GRIK3: variants seen among roughly 807,000 people sequenced by gnomAD.
The protein encoded by GRIK3 is glutamate ionotropic receptor kainate type subunit 3.
Under a neutral mutation model 102.5 loss-of-function variants are expected in GRIK3, and 29 were observed. That is an observed-to-expected ratio of 0.28 (90% CI 0.21 to 0.39). The LOEUF is 0.39. GRIK3 is among the 10% of genes least tolerant of loss of function. The pLI is 1.00. For synonymous variants in GRIK3, 511 were observed against 504.9 expected (o/e 1.01, Z -0.16); for missense variants, 908 against 1,252.4 (o/e 0.73, Z 4.15).
At chr1:37,028,630 A>C (rs1642789007) in intron 1 of GRIK3, among the ~76,000 whole-genome samples, 3 of 152,192 alleles carry the variant, frequency 2.0e-5, no homozygotes, top group Admixed American at 2.0e-4. Flanking sequence ...CTCACTCAGC[A>C]ACCAGAATGG....
chr1:36,859,047 C>T (rs528158364), intron 7 of GRIK3, 61 bp downstream of exon 7: 2 of 1,407,760 alleles, frequency 1.4e-6, no homozygotes, highest in East Asian at 4.8e-5. Context: ...GACCACTCTG[C>T]TGCTCTACAG....
At chr1:36,802,228 A>G (rs192359959) in intron 15 of GRIK3, among the ~76,000 whole-genome samples, 183 bp from the exon 16 acceptor site, 14 of 152,318 alleles carry the variant, frequency 9.2e-5, no homozygotes, top group Admixed American at 2.6e-4. Flanking sequence ...GCAGTCTACA[A>G]AACCTGACAT....
At position 36,872,487 on chromosome 1, in the gene GRIK3, G is replaced by A. The variant is rs1640853775; in HGVS notation, c.551-118C>T. On this transcript the variant is annotated intron_variant, in intron 3 of 15. Coordinates refer to ENST00000373091, the MANE Select transcript of GRIK3 (RefSeq NM_000831.4). The surrounding 1 kb of genome is among the most constrained non-coding windows in gnomAD (Gnocchi z 5.9). The stretch of plus-strand genomic sequence containing the variant: ...TGGCCACAGGTCTGCAGACATACAC[G>A]GGCAGAAACGTGGCCCACAGAGACT... 2 of 751,364 alleles carry A rather than the reference G, an allele frequency of 2.7e-6. No individual in the cohort carries two copies. Among genetic ancestry groups the A allele is most frequent in the Non-Finnish European group, 4.2e-6 (2 of 478,518 alleles). The allele number at this position is 751,364 out of a possible 1,614,324, so 46.5% of individuals were successfully genotyped here.
chr1:37,024,811 A>T (rs915871648), intron 1 of GRIK3, among the ~76,000 whole-genome samples: 2 of 151,846 alleles, frequency 1.3e-5, no homozygotes, highest in African/African-American at 4.8e-5. Context: ...GGCAGCCTTC[A>T]ATCTCAGGCT....
intron 1 of GRIK3, among the ~76,000 whole-genome samples, chr1:36,899,365 G>T (rs1641207902): frequency 6.6e-6 from 1 of 152,134 alleles, no homozygotes; most frequent in Non-Finnish European, 1.5e-5. Flanking sequence ...TCGGACATAT[G>T]TTACATCGTG....
intron 3 of GRIK3, among the ~76,000 whole-genome samples, chr1:36,879,670 C>A (rs1640944466): frequency 6.6e-6 from 1 of 152,122 alleles, no homozygotes. Context: ...GAAGGCAGAG[C>A]CCAGGCTGGA....
intron 1 of GRIK3, among the ~76,000 whole-genome samples, chr1:36,933,607 G>T (rs1233632380): frequency 3.3e-5 from 5 of 152,196 alleles, no homozygotes; most frequent in Non-Finnish European, 7.3e-5. Context: ...ACAACTGAGT[G>T]ACTAGGTCAT....
At chr1:36,821,340 G>A in intron 11 of GRIK3, among the ~76,000 whole-genome samples, 1 of 152,212 alleles carries the variant, frequency 6.6e-6, no homozygotes, top group African/African-American at 2.4e-5. Flanking sequence ...GAGATTAGAG[G>A]CTATTGTGAG....
chr1:36,924,674 G>A (rs1641509125), intron 1 of GRIK3, among the ~76,000 whole-genome samples: 1 of 152,122 alleles, frequency 6.6e-6, no homozygotes, highest in South Asian at 2.1e-4. Context: ...TTTACCCTGG[G>A]AAAGTTCACA....
intron 1 of GRIK3, among the ~76,000 whole-genome samples, chr1:36,891,317 G>T (rs897725145): frequency 6.6e-6 from 1 of 152,176 alleles, no homozygotes; most frequent in African/African-American, 2.4e-5. Context: ...AACAGAGCCC[G>T]ACAGGGCCAA....
At chr1:36,928,936 A>G (rs1641558972) in intron 1 of GRIK3, among the ~76,000 whole-genome samples, 1 of 152,226 alleles carries the variant, frequency 6.6e-6, no homozygotes, top group African/African-American at 2.4e-5. Flanking sequence ...GCTGAACCCT[A>G]AAGAATGGGT....
At chr1:37,030,686 A>T (rs888315793) in intron 1 of GRIK3, among the ~76,000 whole-genome samples, 24 of 152,066 alleles carry the variant, frequency 1.6e-4, no homozygotes, top group African/African-American at 5.3e-4. Context: ...AGCTGCTGCC[A>T]CCACTGTCTA....
intron 1 of GRIK3, among the ~76,000 whole-genome samples, chr1:36,939,862 C>T (rs1178340997): frequency 2.8e-5 from 4 of 143,654 alleles, no homozygotes; most frequent in African/African-American, 5.4e-5. Context: ...GCCTGGTCCA[C>T]TACCACTACC....
chr1:37,030,465 C>T (rs1283517823), intron 1 of GRIK3, among the ~76,000 whole-genome samples: 1 of 151,958 alleles, frequency 6.6e-6, no homozygotes, highest in Admixed American at 6.6e-5. Context: ...AACTCAGGAC[C>T]TTGCAGCTCA....
rs369133250 is a variant in GRIK3, at chr1:36,801,818, C to A, written c.*33G>T. 1.2e-5 allele frequency: 19 copies of A among 1,540,142 alleles called. No homozygotes were observed. In the Admixed American group the frequency reaches 3.4e-4, roughly 27 times the overall value. ...ATCTCCTTTGCTTTCCTCTGCCCAG[C>A]CCCCAGGCCTGAGGTCCCCACCCCA... is the stretch of plus-strand genomic sequence containing the variant. On this transcript the variant is annotated 3_prime_UTR_variant, in exon 16 of 16. Transcript: ENST00000373091.
rs1489302700 is a variant in GRIK3, at chr1:36,872,854, G to A, written c.551-485C>T. On this transcript the variant is annotated intron_variant, in intron 3 of 15. Coordinates refer to ENST00000373091, the MANE Select transcript of GRIK3 (RefSeq NM_000831.4). The surrounding 1 kb of genome is among the most constrained non-coding windows in gnomAD (Gnocchi z 5.9). ...CATGATTTCCCTCAACATCTCCAGC[G>A]AGCTGCTTCCAGGATATGGGCACAA... is the stretch of plus-strand genomic sequence containing the variant. Among the ~76,000 whole-genome samples the A allele has an allele frequency of 5.9e-5, 9 of 152,128 alleles. No individual in the cohort carries two copies. The highest frequency in any genetic ancestry group is 1.9e-4 in the African/African-American group (8 of 41,416).
intron 1 of GRIK3, among the ~76,000 whole-genome samples, chr1:37,032,486 T>C (rs1407574941): frequency 7.0e-6 from 1 of 143,318 alleles, no homozygotes; most frequent in Non-Finnish European, 1.5e-5. Context: ...GGTCCATTAC[T>C]GGGGGGGGAA....
chr1:36,967,282 C>G (rs1227999504), intron 1 of GRIK3, among the ~76,000 whole-genome samples: 1 of 152,268 alleles, frequency 6.6e-6, no homozygotes, highest in African/African-American at 2.4e-5. Flanking sequence ...GGTATGTGCA[C>G]CTCTGCCCTT....
At position 36,833,306 on chromosome 1, in the gene GRIK3, C is replaced by T. The variant is rs111584599; in HGVS notation, c.1531-7480G>A. ...GAGCCTGCTGCTTGTGCCCTGGCCC[C>T]GGATGAACCCACCTGAACATTGCTA... is the stretch of plus-strand genomic sequence containing the variant. On this transcript the variant is annotated intron_variant, in intron 10 of 15. Transcript: ENST00000373091. 2.1e-3 allele frequency among the ~76,000 whole-genome samples: 327 copies of T among 152,274 alleles called. 1 individual carries two copies. Among genetic ancestry groups the T allele is most frequent in the African/African-American group, 7.5e-3 (312 of 41,542 alleles).
Sources: gnomAD v4.1 joint callset for allele counts (sites outside exome capture counted in the v4.1 genomes callset) on GRCh38, gnomAD v4.1.1 for gene constraint, Gnocchi (gnomAD v3.1) non-coding constraint, MANE v1.5 for transcripts, NCBI Gene and HGNC (gene_info 2026-07-23, HGNC 2026-07-21) for gene names.